NEGR1: variants seen among roughly 807,000 people sequenced by gnomAD.
NEGR1 encodes neuronal growth regulator 1.
In NEGR1, 10 loss-of-function variants were observed where a neutral mutation model predicts 40.9. The ratio of observed to expected loss-of-function variants is 0.24; its 90% CI spans 0.15 to 0.42. NEGR1 has a LOEUF of 0.42. NEGR1 is among the 10% of genes least tolerant of loss of function. The pLI, the probability that NEGR1 is intolerant of heterozygous loss-of-function variation, is 1.00. For synonymous variants in NEGR1, 185 were observed against 166.8 expected, an observed-to-expected ratio of 1.11 and a Z score of -0.84; for missense variants, 352 against 438.9, an observed-to-expected ratio of 0.80 and a Z score of 1.77.
chr1:71,559,044 T>TAC (rs1233954698), intron 6 of NEGR1, among the ~76,000 whole-genome samples: 273 of 62,256 alleles, frequency 4.4e-3, no homozygotes, highest in Middle Eastern at 8.1e-3. Context: ...TATATATATA[T>TAC]ACACATATAT....
At chr1:71,747,214 T>C (rs1380950226) in intron 3 of NEGR1, among the ~76,000 whole-genome samples, 1 of 151,510 alleles carries the variant, frequency 6.6e-6, no homozygotes, top group Non-Finnish European at 1.5e-5. Context: ...TAAATCTCAT[T>C]AATAAAAAAA....
chr1:71,636,640 T>A (rs368204180), intron 4 of NEGR1, among the ~76,000 whole-genome samples: 4 of 152,252 alleles, frequency 2.6e-5, no homozygotes, highest in African/African-American at 7.2e-5. Context: ...AATAGTATGC[T>A]GCAGACATTC....
At chr1:71,664,787 T>A (rs2101593757) in intron 4 of NEGR1, among the ~76,000 whole-genome samples, 3 of 152,260 alleles carry the variant, frequency 2.0e-5, no homozygotes, top group Middle Eastern at 6.8e-3. Flanking sequence ...TATCTCTTTG[T>A]GTTTCTGACA....
At chr1:71,408,328 A>G (rs1646292758) in intron 6 of NEGR1, among the ~76,000 whole-genome samples, 1 of 152,088 alleles carries the variant, frequency 6.6e-6, no homozygotes, top group African/African-American at 2.4e-5. Context: ...GACAGGTAGA[A>G]TGACCTCTAC....
intron 1 of NEGR1, among the ~76,000 whole-genome samples, chr1:72,108,252 T>C (rs1402129640): frequency 2.6e-5 from 4 of 151,672 alleles, no homozygotes; most frequent in African/African-American, 4.8e-5. Context: ...CCACCAAATA[T>C]GGTGTTCATT....
chr1:72,011,627 G>T (rs1319801687), intron 1 of NEGR1, among the ~76,000 whole-genome samples: 1 of 152,094 alleles, frequency 6.6e-6, no homozygotes, highest in Non-Finnish European at 1.5e-5. Flanking sequence ...GAACAAAAAG[G>T]CACTCAAACA....
intron 1 of NEGR1, among the ~76,000 whole-genome samples, chr1:71,947,170 T>C (rs1009082069): frequency 1.6e-4 from 23 of 148,250 alleles, no homozygotes; most frequent in African/African-American, 3.7e-4. Context: ...ATATAGTTAA[T>C]ATATATTATA....
intron 3 of NEGR1, among the ~76,000 whole-genome samples, chr1:71,729,596 T>A (rs1255995428): frequency 6.6e-6 from 1 of 152,068 alleles, no homozygotes; most frequent in Non-Finnish European, 1.5e-5. Context: ...CATTGGTAAA[T>A]TAACAAAACT....
At chr1:71,411,958 G>A (rs973878005) in intron 6 of NEGR1, among the ~76,000 whole-genome samples, 3 of 151,924 alleles carry the variant, frequency 2.0e-5, no homozygotes, top group African/African-American at 4.8e-5. Context: ...CCGAGATCGC[G>A]CCACTGCACT....
chr1:72,154,815 C>A (rs1007044169), intron 1 of NEGR1, among the ~76,000 whole-genome samples: 2 of 151,944 alleles, frequency 1.3e-5, no homozygotes, highest in Non-Finnish European at 2.9e-5. Context: ...TACATCAATA[C>A]ATTAATACAT....
chr1:71,732,525 C>T lies in NEGR1; in HGVS notation c.536-34386G>A, dbSNP rs61766994. Among the ~76,000 whole-genome samples the T allele has an allele frequency of 9.5e-5, 12 of 126,424 alleles. No homozygotes were observed. The South Asian group carries it at 1.3e-3, about 13-fold the overall frequency. The allele number at this position is 126,424 out of a possible 152,430, so 82.9% of individuals were successfully genotyped here. A position where few individuals can be genotyped will look rare whatever the true frequency, so the allele number is the denominator to read the frequency against. On this transcript the variant is annotated intron_variant, in intron 3 of 6. Transcript: ENST00000357731. ...GTGTGTGTGTGTGTGTGTGTGCGCGCGCGCGCCAGCTTGTGTTCTTTTTAG... is the reference window on the plus strand; with the variant it reads ...GTGTGTGTGTGTGTGTGTGTGCGCGTGCGCGCCAGCTTGTGTTCTTTTTAG...
chr1:71,935,628 C>A (rs1284070990), intron 1 of NEGR1, among the ~76,000 whole-genome samples: 2 of 151,786 alleles, frequency 1.3e-5, no homozygotes, highest in African/African-American at 4.8e-5. Flanking sequence ...CTAAATAAAG[C>A]TAAATTAGTT....
chr1:71,421,857 T>A (rs962306742), intron 6 of NEGR1, among the ~76,000 whole-genome samples: 3 of 152,000 alleles, frequency 2.0e-5, no homozygotes, highest in African/African-American at 4.8e-5. Flanking sequence ...GACAGATGAT[T>A]ATTTTCTGCC....
At chr1:72,193,830 C>A (rs1026995195) in intron 1 of NEGR1, among the ~76,000 whole-genome samples, 1 of 151,438 alleles carries the variant, frequency 6.6e-6, no homozygotes, top group Non-Finnish European at 1.5e-5. Flanking sequence ...CAAATTATAA[C>A]CCTGAAAGCC....
At chr1:71,958,905 A>G (rs1570553646) in intron 1 of NEGR1, among the ~76,000 whole-genome samples, 1 of 149,952 alleles carries the variant, frequency 6.7e-6, no homozygotes, top group Admixed American at 6.7e-5. Flanking sequence ...CAGTAAGCCG[A>G]GATTGTGCCA....
chr1:71,762,854 C>T (rs2101702036), intron 3 of NEGR1, among the ~76,000 whole-genome samples: 1 of 152,134 alleles, frequency 6.6e-6, no homozygotes, highest in African/African-American at 2.4e-5. Context: ...TAAGCCAAAA[C>T]ATCATTTGGC....
intron 1 of NEGR1, among the ~76,000 whole-genome samples, chr1:72,059,074 A>T (rs1419747969): frequency 6.6e-6 from 1 of 151,692 alleles, no homozygotes; most frequent in African/African-American, 2.4e-5. Context: ...ATCCACTGCA[A>T]CACATTGATT....
intron 1 of NEGR1, among the ~76,000 whole-genome samples, chr1:72,180,062 C>T (rs1233530662): frequency 3.3e-5 from 5 of 151,794 alleles, no homozygotes; most frequent in Admixed American, 6.6e-5. Context: ...TAAAAGACTC[C>T]AAGTAGCCAA....
At chr1:72,164,582 AT>A (rs1187599975) in intron 1 of NEGR1, among the ~76,000 whole-genome samples, 1 of 152,032 alleles carries the variant, frequency 6.6e-6, no homozygotes, top group Non-Finnish European at 1.5e-5. Flanking sequence ...AAATCTAACA[AT>A]TTGTACTCCT....
Sources: allele counts gnomAD v4.1 joint callset (sites outside exome capture counted in the v4.1 genomes callset), GRCh38; gene constraint gnomAD v4.1.1; transcripts MANE v1.5; gene names NCBI Gene and HGNC (gene_info 2026-07-23, HGNC 2026-07-21).